DGKB: variants seen among roughly 807,000 people sequenced by gnomAD.
DGKB encodes diacylglycerol kinase beta, also known as 90 kDa diacylglycerol kinase.
DGKB carries 67 observed loss-of-function variants against 114.3 expected under a neutral mutation model. The ratio of observed to expected loss-of-function variants is 0.59; its 90% CI spans 0.48 to 0.72. The LOEUF is 0.72. Among genes scored for constraint, DGKB ranks in the 30% least tolerant of loss-of-function variants. The probability of loss-of-function intolerance (pLI) is 0.00; values close to 1 mark genes in which losing one functional copy is unlikely to be tolerated. For missense variants in DGKB, 907 were observed against 975.2 expected, an observed-to-expected ratio of 0.93 and a Z score of 0.93; for synonymous variants, 398 against 323.1, an observed-to-expected ratio of 1.23 and a Z score of -2.49.
At chr7:14,633,508 T>A (rs1023586872) in intron 13 of DGKB, among the ~76,000 whole-genome samples, 3 of 151,916 alleles carry the variant, frequency 2.0e-5, no homozygotes. Context: ...TTATTCCTGT[T>A]ACAATGAGCA....
chr7:14,471,879 A>T (rs566638971), intron 21 of DGKB, among the ~76,000 whole-genome samples: 1 of 152,168 alleles, frequency 6.6e-6, no homozygotes, highest in Admixed American at 6.5e-5. Context: ...CTGTGTAGTT[A>T]CTAAAGCCCA....
chr7:14,559,523 T>G (rs1041609105), intron 20 of DGKB, among the ~76,000 whole-genome samples: 3 of 152,204 alleles, frequency 2.0e-5, no homozygotes, highest in Non-Finnish European at 4.4e-5. Context: ...AGCAATAATC[T>G]TATGCAACCT....
chr7:14,461,516 A>C (rs899106799), intron 21 of DGKB, among the ~76,000 whole-genome samples: 1 of 152,174 alleles, frequency 6.6e-6, no homozygotes, highest in African/African-American at 2.4e-5. Flanking sequence ...GAAACGGATA[A>C]ATTCCTGGAC....
intron 21 of DGKB, among the ~76,000 whole-genome samples, chr7:14,393,414 T>C (rs962122452): frequency 7.2e-5 from 11 of 152,206 alleles, no homozygotes; most frequent in African/African-American, 2.7e-4. Context: ...CTCATTAGTA[T>C]ACCATATGAT....
chr7:14,220,141 C>T (rs1789688973), intron 23 of DGKB, among the ~76,000 whole-genome samples: 4 of 151,608 alleles, frequency 2.6e-5, no homozygotes, highest in Admixed American at 6.6e-5. Flanking sequence ...GTACTGAATA[C>T]TGTAGACAAC....
chr7:14,857,258 T>TGTGTGTGTGTGTGTGTG (rs1850297654), intron 1 of DGKB, among the ~76,000 whole-genome samples: 1 of 138,262 alleles, frequency 7.2e-6, no homozygotes, highest in African/African-American at 2.7e-5. Context: ...CTGTGTGTGT[T>TGTGTGTGTGTGTGTGTG]TGTGTGTGTG....
chr7:14,743,132 A>T (rs1433820591), intron 4 of DGKB, among the ~76,000 whole-genome samples: 1 of 152,238 alleles, frequency 6.6e-6, no homozygotes, highest in Non-Finnish European at 1.5e-5. Flanking sequence ...CTCATGGTCC[A>T]ACTGGCTTAG....
At chr7:14,953,890 A>G (rs1351525037) in intron 1 of DGKB, among the ~76,000 whole-genome samples, 3 of 152,214 alleles carry the variant, frequency 2.0e-5, no homozygotes, top group Non-Finnish European at 4.4e-5. Flanking sequence ...TTCTTAATGT[A>G]TGGGCCCCCA....
At chr7:14,311,858 AAAG>A (rs1166438165) in intron 23 of DGKB, among the ~76,000 whole-genome samples, 1 of 152,186 alleles carries the variant, frequency 6.6e-6, no homozygotes, top group Non-Finnish European at 1.5e-5. Flanking sequence ...TTTTCTTCTT[AAAG>A]AAGGCGGGGG....
At chr7:14,620,435 G>GA (rs936743468) in intron 15 of DGKB, among the ~76,000 whole-genome samples, 6 of 150,634 alleles carry the variant, frequency 4.0e-5, no homozygotes, top group East Asian at 3.9e-4. Context: ...CTCTCATATT[G>GA]AAAAAATACA....
chr7:14,618,224 A>G (rs1806929276), intron 15 of DGKB, among the ~76,000 whole-genome samples: 1 of 151,628 alleles, frequency 6.6e-6, no homozygotes, highest in Admixed American at 6.6e-5. Flanking sequence ...ACTTACATTT[A>G]GTGCATGGGT....
intron 25 of DGKB, among the ~76,000 whole-genome samples, chr7:14,167,004 G>A (rs10260070): frequency 0.014 from 2,146 of 152,176 alleles, 51 homozygotes; most frequent in African/African-American, 0.049. Context: ...GAGCTCAGAA[G>A]TCTAAGACCA....
At chr7:14,745,319 G>A (rs1833118074) in intron 4 of DGKB, among the ~76,000 whole-genome samples, 1 of 152,192 alleles carries the variant, frequency 6.6e-6, no homozygotes. Context: ...AGTTATGACT[G>A]CCATATTTCC....
intron 1 of DGKB, among the ~76,000 whole-genome samples, chr7:14,856,020 C>CCCCA (rs200809238): frequency 2.0e-5 from 3 of 148,822 alleles, no homozygotes; most frequent in Admixed American, 6.7e-5. Flanking sequence ...CACACACACA[C>CCCCA]ATAATTAACA....
At chr7:14,429,743 A>G (rs750422010) in intron 21 of DGKB, among the ~76,000 whole-genome samples, 1 of 152,146 alleles carries the variant, frequency 6.6e-6, no homozygotes, top group African/African-American at 2.4e-5. Context: ...CAACATGGCA[A>G]AACCCTGTCT....
intron 21 of DGKB, among the ~76,000 whole-genome samples, chr7:14,393,293 G>C (rs1821707335): frequency 6.6e-6 from 1 of 151,940 alleles, no homozygotes; most frequent in Admixed American, 6.6e-5. Context: ...CCGGTCAACA[G>C]ACCTGTTTTT....
At chr7:14,705,689 C>T (rs1291883969) in intron 6 of DGKB, among the ~76,000 whole-genome samples, 1 of 150,418 alleles carries the variant, frequency 6.6e-6, no homozygotes, top group Middle Eastern at 3.4e-3. Context: ...GAATTTTCAA[C>T]CCAGAATTTC....
At chr7:14,596,261 C>T (rs2128753485) in intron 17 of DGKB, among the ~76,000 whole-genome samples, 1 of 152,148 alleles carries the variant, frequency 6.6e-6, no homozygotes, top group Non-Finnish European at 1.5e-5. Flanking sequence ...AACTGTATTC[C>T]TGGAAGAATA....
chr7:14,801,692 T>A (rs1055215214), intron 2 of DGKB, among the ~76,000 whole-genome samples: 4 of 152,024 alleles, frequency 2.6e-5, no homozygotes, highest in African/African-American at 9.7e-5. Flanking sequence ...GATTTTGAAC[T>A]GGATCTGAAT....
Sources: allele counts gnomAD v4.1 joint callset (sites outside exome capture counted in the v4.1 genomes callset), GRCh38; gene constraint gnomAD v4.1.1; transcripts MANE v1.5; gene names NCBI Gene and HGNC (gene_info 2026-07-23, HGNC 2026-07-21).